Variants in TEX36 observed in about 807,000 individuals in gnomAD.
TEX36 encodes testis-expressed protein 36.
TEX36 carries 12 observed loss-of-function variants against 13.6 expected under a neutral mutation model. That is an observed-to-expected ratio of 0.88 (90% confidence interval 0.56 to 1.43). TEX36 has a LOEUF of 1.43. TEX36 is among the 40% of genes most tolerant of loss of function. TEX36 has a pLI of 0.00. For missense variants in TEX36, 224 were observed against 228.3 expected, an observed-to-expected ratio of 0.98 and a Z score of 0.12; for synonymous variants, 93 against 83.0, an observed-to-expected ratio of 1.12 and a Z score of -0.65.
intron 3 of TEX36, among the ~76,000 whole-genome samples, chr10:125,648,368 C>T (rs888839941): frequency 5.9e-5 from 9 of 152,312 alleles, no homozygotes; most frequent in South Asian, 2.1e-4. Context: ...CTGCAGCCTC[C>T]GCTGGTGATA....
At chr10:125,651,506 A>G (rs1846858507), downstream of TEX36, among the ~76,000 whole-genome samples, 1 of 152,184 alleles carries the variant, frequency 6.6e-6, no homozygotes, top group African/African-American at 2.4e-5. Context: ...TCAAAATAAT[A>G]AGAGCTATTT....
chr10:125,587,422 A>G (rs543529590), intron 3 of TEX36, among the ~76,000 whole-genome samples: 12 of 152,370 alleles, frequency 7.9e-5, no homozygotes, highest in African/African-American at 2.9e-4. Context: ...TAAAAAAGTT[A>G]CAGAGTAAAA....
chr10:125,618,049 G>A (rs890081951), downstream of TEX36, among the ~76,000 whole-genome samples: 39 of 151,778 alleles, frequency 2.6e-4, no homozygotes, highest in Non-Finnish European at 4.0e-4. Context: ...ATCTTCCATC[G>A]CTGATACCCT....
intron 3 of TEX36, among the ~76,000 whole-genome samples, chr10:125,600,562 A>T (rs557956898): frequency 6.6e-6 from 1 of 152,306 alleles, no homozygotes; most frequent in East Asian, 1.9e-4. Context: ...AGAAAAAAGA[A>T]AGCCCTTGGA....
At chr10:125,594,443 C>T (rs1846057266) in intron 3 of TEX36, among the ~76,000 whole-genome samples, 2 of 152,184 alleles carry the variant, frequency 1.3e-5, no homozygotes, top group South Asian at 4.1e-4. Context: ...CTCTCATATA[C>T]TCAGCAACAC....
At chr10:125,661,589 TG>T (rs1847043495) in intron 2 of TEX36, among the ~76,000 whole-genome samples, 1 of 152,072 alleles carries the variant, frequency 6.6e-6, no homozygotes, top group Non-Finnish European at 1.5e-5. Context: ...AGGAGGTGCA[TG>T]TTAATGAGCT....
intron 3 of TEX36, among the ~76,000 whole-genome samples, chr10:125,643,131 T>G (rs958993791): frequency 1.3e-5 from 2 of 152,200 alleles, no homozygotes; most frequent in East Asian, 3.8e-4. Context: ...ACTAGATCCC[T>G]GTCAGTGACA....
At chr10:125,626,220 G>C (rs1846488154) in intron 3 of TEX36, among the ~76,000 whole-genome samples, 1 of 152,136 alleles carries the variant, frequency 6.6e-6, no homozygotes, top group South Asian at 2.1e-4. Context: ...AGCCCTCCCT[G>C]GTAAACAACC....
chr10:125,647,287 C>A (rs1846784326), intron 3 of TEX36, among the ~76,000 whole-genome samples: 1 of 151,900 alleles, frequency 6.6e-6, no homozygotes, highest in Non-Finnish European at 1.5e-5. Context: ...ACATGAAATC[C>A]TGAAGCCATT....
intron 3 of TEX36, among the ~76,000 whole-genome samples, chr10:125,631,644 A>T (rs914934194): frequency 6.6e-6 from 1 of 152,208 alleles, no homozygotes; most frequent in Admixed American, 6.5e-5. Context: ...GTCTTGAATG[A>T]CAGGTGAACA....
At chr10:125,663,632 C>A (rs1461363164) in intron 1 of TEX36, among the ~76,000 whole-genome samples, 1 of 152,178 alleles carries the variant, frequency 6.6e-6, no homozygotes, top group East Asian at 1.9e-4. Context: ...TTTTTATTTG[C>A]ATTCCCCTGA....
At position 125,668,027 on chromosome 10, in the gene TEX36, C is replaced by T. The variant is rs376180622; in HGVS notation, c.52-6050G>A. The T allele has an allele frequency of 4.4e-5, 30 of 676,204 alleles. No homozygotes were observed. In the African/African-American group the frequency reaches 4.9e-4, roughly 11 times the overall value. 41.9% of individuals were successfully genotyped at this position (676,204 alleles called of 1,614,324 possible). ...AATCCAGACGGAGGCCCTTGGTTGT[C>T]AACAGAAATAAATCTTTGGCCAGGG... On this transcript the variant is annotated intron_variant, in intron 1 of 3. Transcript: ENST00000368821.
At chr10:125,591,371 C>T (rs1200598365) in intron 3 of TEX36, among the ~76,000 whole-genome samples, 1 of 152,142 alleles carries the variant, frequency 6.6e-6, no homozygotes, top group African/African-American at 2.4e-5. Flanking sequence ...CCCCCCAAAC[C>T]CTTGCAATTT....
chr10:125,593,576 T>C (rs1846048206), intron 3 of TEX36, among the ~76,000 whole-genome samples: 1 of 152,270 alleles, frequency 6.6e-6, no homozygotes, highest in East Asian at 1.9e-4. Context: ...CATCACACAG[T>C]GTAAGGCATT....
At chr10:125,652,820 A>G (rs144595213), downstream of TEX36, among the ~76,000 whole-genome samples, 3,962 of 152,270 alleles carry the variant, frequency 0.026, 176 homozygotes, top group African/African-American at 0.09. Flanking sequence ...ATCAAAAAGT[A>G]GGCAAAGGAT....
At chr10:125,667,371 T>G in intron 1 of TEX36, 1 of 645,162 alleles carries the variant, frequency 1.5e-6, no homozygotes, top group Non-Finnish European at 3.0e-6. Context: ...TGGTCCCCAT[T>G]AGGGGGGATC....
In TEX36 at chr10:125,628,093, G is replaced by A. The variant is rs746074793; in HGVS notation, c.265-6448C>T. 2.6e-5 allele frequency among the ~76,000 whole-genome samples: 4 copies of A among 152,320 alleles called. No homozygotes were observed. In the South Asian group the frequency reaches 6.2e-4, roughly 24 times the overall value. On this transcript the variant is annotated intron_variant, in intron 3 of 3. Transcript: ENST00000526819. Reference sequence around the variant, plus strand: ...AAAACTATTAATAAAATGTATTTGAGACCATGTAATGATAAGAAGCATTTG... The same window carrying A: ...AAAACTATTAATAAAATGTATTTGAAACCATGTAATGATAAGAAGCATTTG...
At chr10:125,605,971 C>T (rs953199250) in intron 3 of TEX36, among the ~76,000 whole-genome samples, 6 of 152,198 alleles carry the variant, frequency 3.9e-5, no homozygotes, top group African/African-American at 1.4e-4. Context: ...TTAAAACCAA[C>T]TTTGTGGACT....
chr10:125,680,568 C>T (rs977334109), intron 1 of TEX36, among the ~76,000 whole-genome samples: 2 of 152,108 alleles, frequency 1.3e-5, no homozygotes, highest in Non-Finnish European at 2.9e-5. Context: ...AAAGTCTTTC[C>T]TACCTGGCAA....
Sources: gnomAD v4.1 joint callset for allele counts (sites outside exome capture counted in the v4.1 genomes callset) on GRCh38, gnomAD v4.1.1 for gene constraint, MANE v1.5 for transcripts, NCBI Gene and HGNC (gene_info 2026-07-23, HGNC 2026-07-21) for gene names.